The following TSPAN7 variants were observed in gnomAD, a reference collection of about 807,000 sequenced individuals.
The protein encoded by TSPAN7 is tetraspanin 7.
A neutral mutation model predicts 17.6 loss-of-function variants in TSPAN7; 1 was observed. That is an observed-to-expected ratio of 0.06 (90% confidence interval 0.02 to 0.27). The LOEUF (loss-of-function observed/expected upper bound fraction) is 0.27. Ranked by LOEUF, TSPAN7 falls within the 10% of genes least tolerant of loss-of-function variation. The probability of loss-of-function intolerance (pLI) is 1.00; values close to 1 mark genes in which losing one functional copy is unlikely to be tolerated. For synonymous variants in TSPAN7, 78 were observed against 79.0 expected (o/e 0.99, Z 0.07); for missense variants, 112 against 201.7 (o/e 0.56, Z 2.69).
intron 1 of TSPAN7, among the ~76,000 whole-genome samples, chrX:38,657,126 T>G (rs1320253442): frequency 9.0e-6 from 1 of 111,675 alleles, no homozygotes; most frequent in Non-Finnish European, 1.9e-5. Context: ...CATTTTTTTC[T>G]CTTTTCCCAG....
chrX:38,616,077 G>A (rs1333941792), intron 1 of TSPAN7, among the ~76,000 whole-genome samples: 1 of 112,286 alleles, frequency 8.9e-6, no homozygotes, highest in Non-Finnish European at 1.9e-5. Context: ...GGTTTAGAGA[G>A]AATGTACATC....
chrX:38,569,934 A>G (rs1418494601), intron 1 of TSPAN7, among the ~76,000 whole-genome samples: 1 of 112,014 alleles, frequency 8.9e-6, no homozygotes, highest in Admixed American at 9.5e-5. Context: ...TCTAATAAAT[A>G]TTGGTACCCA....
chrX:38,576,902 G>T (rs1408373474), intron 1 of TSPAN7, among the ~76,000 whole-genome samples: 1 of 111,853 alleles, frequency 8.9e-6, no homozygotes, highest in Non-Finnish European at 1.9e-5. Flanking sequence ...TTTTGAGCAG[G>T]GAGCAGTAAC....
At chrX:38,611,672 A>C (rs947532195) in intron 1 of TSPAN7, among the ~76,000 whole-genome samples, 3 of 112,235 alleles carry the variant, frequency 2.7e-5, no homozygotes, top group Admixed American at 9.4e-5. Context: ...TATGGGGAAC[A>C]ACAGAGACAA....
chrX:38,599,375 TA>T (rs202017361), intron 1 of TSPAN7, among the ~76,000 whole-genome samples: 67 of 110,598 alleles, frequency 6.1e-4, no homozygotes, highest in Admixed American at 3.6e-3. Context: ...CACACTTATT[TA>T]AAAAAAAATC....
At chrX:38,631,422 TC>T (rs762410264) in intron 1 of TSPAN7, among the ~76,000 whole-genome samples, 1 of 111,505 alleles carries the variant, frequency 9.0e-6, no homozygotes, top group South Asian at 3.8e-4. Context: ...AATGCAGCCT[TC>T]GGTATAAAAC....
intron 1 of TSPAN7, among the ~76,000 whole-genome samples, chrX:38,663,116 C>G (rs1361201823): frequency 9.3e-6 from 1 of 107,287 alleles, no homozygotes; most frequent in African/African-American, 3.4e-5. Context: ...TCCAAATGCC[C>G]ATCAATCAAT....
intron 1 of TSPAN7, among the ~76,000 whole-genome samples, chrX:38,636,112 C>T: frequency 1.1e-5 from 1 of 94,738 alleles, no homozygotes. Flanking sequence ...ATTTATTTTG[C>T]AAAACATAAG....
chrX:38,663,182 G>GGC (rs2069759653), intron 1 of TSPAN7, among the ~76,000 whole-genome samples: 1 of 83,904 alleles, frequency 1.2e-5, no homozygotes, highest in African/African-American at 5.9e-5. Flanking sequence ...CACACACACA[G>GGC]ACACACACAC....
chrX:38,603,691 G>T (rs996289982), intron 1 of TSPAN7, among the ~76,000 whole-genome samples: 2 of 111,069 alleles, frequency 1.8e-5, no homozygotes, highest in Admixed American at 1.9e-4. Context: ...CAAATCTGTA[G>T]AGCCAGAAAG....
intron 1 of TSPAN7, among the ~76,000 whole-genome samples, chrX:38,610,891 G>A (rs1184973742): frequency 8.9e-6 from 1 of 112,392 alleles, no homozygotes; most frequent in Non-Finnish European, 1.9e-5. Context: ...AACGTAGCCA[G>A]CTGTTTCACT....
chrX:38,686,965 T>C (rs973828694), intron 6 of TSPAN7, among the ~76,000 whole-genome samples: 1 of 110,126 alleles, frequency 9.1e-6, no homozygotes, highest in Non-Finnish European at 1.9e-5. Context: ...GCCTAAGATA[T>C]CTACATGGCC....
At chrX:38,682,118 G>A (rs2069896625) in intron 6 of TSPAN7, among the ~76,000 whole-genome samples, 1 of 112,386 alleles carries the variant, frequency 8.9e-6, no homozygotes. Flanking sequence ...CAGACCAACA[G>A]ATCATGTTTC....
intron 1 of TSPAN7, among the ~76,000 whole-genome samples, chrX:38,567,320 G>A (rs2069148483): frequency 8.9e-6 from 1 of 112,555 alleles, no homozygotes; most frequent in Admixed American, 9.4e-5. Context: ...GGCTGAAGGC[G>A]AATGAGCAGC....
At chrX:38,633,395 C>G (rs1242768187) in intron 1 of TSPAN7, among the ~76,000 whole-genome samples, 1 of 111,666 alleles carries the variant, frequency 9.0e-6, no homozygotes, top group Admixed American at 9.5e-5. Flanking sequence ...ATGAAGGTTA[C>G]AAACTGGGCC....
chrX:38,629,518 T>C (rs2069538793), intron 1 of TSPAN7, among the ~76,000 whole-genome samples: 3 of 112,260 alleles, frequency 2.7e-5, no homozygotes, highest in South Asian at 7.4e-4. Flanking sequence ...AGCAGAAATA[T>C]TGAGCCTAGC....
At chrX:38,642,195 A>T (rs1348587576) in intron 1 of TSPAN7, among the ~76,000 whole-genome samples, 1 of 111,895 alleles carries the variant, frequency 8.9e-6, no homozygotes, top group Non-Finnish European at 1.9e-5. Flanking sequence ...TTGTATGATT[A>T]AATTGAGCAG....
chrX:38,626,587 A>G (rs1445235254), intron 1 of TSPAN7, among the ~76,000 whole-genome samples: 1 of 111,076 alleles, frequency 9.0e-6, no homozygotes, highest in Admixed American at 9.6e-5. Flanking sequence ...CAAAAGATGC[A>G]GTACGCTCAG....
chrX:38,670,508 T>A (rs1314938349), intron 2 of TSPAN7, among the ~76,000 whole-genome samples: 1 of 112,155 alleles, frequency 8.9e-6, no homozygotes, highest in East Asian at 2.8e-4. Flanking sequence ...GCATTTACTT[T>A]TTGAAAGGCT....
Sources: gnomAD v4.1 joint callset for allele counts (sites outside exome capture counted in the v4.1 genomes callset) on GRCh38, gnomAD v4.1.1 for gene constraint, MANE v1.5 for transcripts, NCBI Gene and HGNC (gene_info 2026-07-23, HGNC 2026-07-21) for gene names.